ZBTB40: variants seen among roughly 807,000 people sequenced by gnomAD.
ZBTB40 encodes the protein zinc finger and BTB domain-containing protein 40.
Under a neutral mutation model 117.5 loss-of-function variants are expected in ZBTB40, and 60 were observed. The ratio of observed to expected loss-of-function variants is 0.51; its 90% CI spans 0.41 to 0.63. ZBTB40 has a LOEUF of 0.63. Among genes scored for constraint, ZBTB40 ranks in the 30% least tolerant of loss-of-function variants. The pLI, the probability that ZBTB40 is intolerant of heterozygous loss-of-function variation, is 0.00. For synonymous variants in ZBTB40, 525 were observed against 577.1 expected, an observed-to-expected ratio of 0.91 and a Z score of 1.29; for missense variants, 1,287 against 1,498.5, an observed-to-expected ratio of 0.86 and a Z score of 2.33.
chr1:22,442,195 C>T (rs1207637190), intron 1 of ZBTB40, among the ~76,000 whole-genome samples: 1 of 152,152 alleles, frequency 6.6e-6, no homozygotes, highest in East Asian at 1.9e-4. Context: ...AACATATAAT[C>T]TATCCTGGAA....
chr1:22,442,137 T>C (rs1569743053), intron 1 of ZBTB40, among the ~76,000 whole-genome samples: 1 of 152,240 alleles, frequency 6.6e-6, no homozygotes, highest in South Asian at 2.1e-4. Flanking sequence ...GAAGATACTT[T>C]ATATGATCTT....
intron 1 of ZBTB40, among the ~76,000 whole-genome samples, chr1:22,454,965 A>G (rs997831242): frequency 4.6e-5 from 7 of 152,252 alleles, no homozygotes; most frequent in African/African-American, 1.7e-4. Flanking sequence ...GGGGAATCCA[A>G]TTAAAAATAG....
chr1:22,479,429 G>C (rs1202955760), intron 1 of ZBTB40, among the ~76,000 whole-genome samples: 1 of 152,076 alleles, frequency 6.6e-6, no homozygotes, highest in Admixed American at 6.5e-5. Context: ...TGACCTGATA[G>C]TTTATCATAT....
At chr1:22,524,470 T>C (rs757172518) in intron 17 of ZBTB40, 26 bp downstream of exon 17, 8 of 1,607,838 alleles carry the variant, frequency 5.0e-6, no homozygotes, top group Non-Finnish European at 8.5e-7. Context: ...TCAGCTACAT[T>C]AGAATGCTAA....
chr1:22,508,057 C>T lies in ZBTB40; in HGVS notation c.1417C>T (p.Leu473Phe). The T allele has an allele frequency of 6.2e-7, 1 of 1,614,164 alleles. No homozygotes were observed. Among genetic ancestry groups the T allele is most frequent in the Non-Finnish European group, 8.5e-7 (1 of 1,180,036 alleles). The change falls in exon 7 of 18, where the codon CTC becomes TTC. Residue 473 changes from leucine to phenylalanine, a missense_variant. Leu to Phe is a conservative substitution (Grantham distance 22). Transcript: ENST00000375647. ...TELLRRYHEN[L>F]SEIFTDNQIL... Reference sequence around the variant, plus strand: ...GCTATTGAGACGCTATCATGAAAACCTCTCTGAGATTTTCACAGACAACCA... The same window carrying T: ...GCTATTGAGACGCTATCATGAAAACTTCTCTGAGATTTTCACAGACAACCA...
chr1:22,509,191 C>T lies in ZBTB40; in HGVS notation c.1791C>T (p.Leu597=), dbSNP rs184197940. ...EAIQQKIEYK[L]FTSEEEHLAE... ...TCCAACAGAAGATTGAGTACAAGCT[C>T]TTTACCTCGGAGGAGGAGCACCTGG... The change falls in exon 9 of 18, where the codon CTC becomes CTT. Residue 597 remains leucine (L), a synonymous_variant. Coordinates refer to ENST00000375647, the MANE Select transcript of ZBTB40 (RefSeq NM_014870.4). 227 of 1,614,156 alleles carry T rather than the reference C, an allele frequency of 1.4e-4. No homozygotes were observed. The highest frequency in any genetic ancestry group is 1.9e-4 in the Non-Finnish European group (224 of 1,180,026).
rs59021263 is a variant in ZBTB40, at chr1:22,431,384, G to GTATATATATATATA, written c.-70+2382_-70+2395dup. ...ATTTTGTGTGTGTGTGTGTGTGTGT[G>GTATATATATATATA]TATATATATATATATATATATATAT... On this transcript the variant is annotated intron_variant, in intron 1 of 8. Transcript: ENST00000650433. 6.0e-3 allele frequency among the ~76,000 whole-genome samples: 716 copies of GTATATATATATATA among 119,548 alleles called. 9 individuals are homozygous for GTATATATATATATA. The highest frequency in any genetic ancestry group is 0.014 in the South Asian group (54 of 3,946). 78.4% of individuals were successfully genotyped at this position (119,548 alleles called of 152,430 possible). A position where few individuals can be genotyped will look rare whatever the true frequency, so the allele number is the denominator to read the frequency against.
At chr1:22,471,299 G>T (rs1385536455) in intron 1 of ZBTB40, among the ~76,000 whole-genome samples, 1 of 152,204 alleles carries the variant, frequency 6.6e-6, no homozygotes, top group Non-Finnish European at 1.5e-5. Flanking sequence ...AGGCACTCCT[G>T]CCAGGCCACC....
intron 1 of ZBTB40, among the ~76,000 whole-genome samples, chr1:22,480,427 CT>C (rs1304467533): frequency 1.3e-5 from 2 of 152,126 alleles, no homozygotes; most frequent in Non-Finnish European, 2.9e-5. Context: ...CTGCTATTAG[CT>C]TTTATAGATT....
chr1:22,449,566 A>G (rs1026521202), upstream of ZBTB40, among the ~76,000 whole-genome samples: 1 of 152,266 alleles, frequency 6.6e-6, no homozygotes, highest in African/African-American at 2.4e-5. Flanking sequence ...GGGAAACTGC[A>G]GCCACTGATC....
intron 1 of ZBTB40, among the ~76,000 whole-genome samples, chr1:22,468,336 T>C (rs1335240247): frequency 6.6e-6 from 1 of 152,116 alleles, no homozygotes; most frequent in Non-Finnish European, 1.5e-5. Context: ...TGAAAAACTT[T>C]TGATTCCATG....
chr1:22,463,204 G>A (rs768580633), intron 1 of ZBTB40, among the ~76,000 whole-genome samples: 6 of 152,154 alleles, frequency 3.9e-5, no homozygotes, highest in Non-Finnish European at 8.8e-5. Context: ...CATGCTCCTG[G>A]TTCTCTCTAG....
At chr1:22,516,993 C>A (rs1040951815) in intron 12 of ZBTB40, among the ~76,000 whole-genome samples, 7 of 152,010 alleles carry the variant, frequency 4.6e-5, no homozygotes, top group African/African-American at 1.7e-4. Context: ...TATCTGGTTG[C>A]GGGAGTAGAG....
intron 1 of ZBTB40, among the ~76,000 whole-genome samples, chr1:22,481,787 CAAAAAAAAAAAAAA>C (rs766474050): frequency 4.5e-4 from 29 of 64,310 alleles, no homozygotes; most frequent in African/African-American, 1.9e-3. Flanking sequence ...CTTGTTTTAC[CAAAAAAAAAAAAAA>C]AAAAAAAAAA....
intron 1 of ZBTB40, among the ~76,000 whole-genome samples, chr1:22,470,986 A>G (rs1184157812): frequency 6.6e-6 from 1 of 152,232 alleles, no homozygotes; most frequent in East Asian, 1.9e-4. Flanking sequence ...ACTGCAAAGA[A>G]TAGGTATATT....
chr1:22,501,222 T>A (rs1266704443), intron 3 of ZBTB40, among the ~76,000 whole-genome samples: 1 of 152,202 alleles, frequency 6.6e-6, no homozygotes, highest in African/African-American at 2.4e-5. Context: ...AGGTAGGGCC[T>A]GTGGCCAGGA....
At chr1:22,442,197 A>G (rs1040187354) in intron 1 of ZBTB40, among the ~76,000 whole-genome samples, 8 of 152,130 alleles carry the variant, frequency 5.3e-5, no homozygotes, top group African/African-American at 1.7e-4. Context: ...CATATAATCT[A>G]TCCTGGAAAA....
At chr1:22,514,644 C>T (rs114810169) in intron 12 of ZBTB40, among the ~76,000 whole-genome samples, 2 of 152,344 alleles carry the variant, frequency 1.3e-5, no homozygotes, top group African/African-American at 4.8e-5. Flanking sequence ...TCCTGGGCCA[C>T]CCTCTGTAAG....
intron 1 of ZBTB40, among the ~76,000 whole-genome samples, chr1:22,458,596 A>AT (rs1641058209): frequency 6.6e-6 from 1 of 152,188 alleles, no homozygotes; most frequent in Admixed American, 6.5e-5. Context: ...TTTCCTTAGA[A>AT]TATATGCTAC....
Sources: allele counts gnomAD v4.1 joint callset (sites outside exome capture counted in the v4.1 genomes callset), GRCh38; gene constraint gnomAD v4.1.1; transcripts MANE v1.5; gene names NCBI Gene and HGNC (gene_info 2026-07-23, HGNC 2026-07-21).